CFAP61: variants seen among roughly 807,000 people sequenced by gnomAD.
The protein encoded by CFAP61 is cilia and flagella associated protein 61, also known as cilia- and flagella-associated protein 61.
A neutral mutation model predicts 135.6 loss-of-function variants in CFAP61; 107 were observed. That is an observed-to-expected ratio of 0.79 (90% confidence interval 0.67 to 0.93). The LOEUF (loss-of-function observed/expected upper bound fraction) is 0.93. CFAP61 is among the 40% of genes least tolerant of loss of function. CFAP61 has a pLI of 0.00. For synonymous variants in CFAP61, 575 were observed against 578.5 expected (o/e 0.99, Z 0.09); for missense variants, 1,507 against 1,556.2 (o/e 0.97, Z 0.53).
intron 8 of CFAP61, among the ~76,000 whole-genome samples, chr20:20,131,188 G>A (rs1382063936): frequency 6.6e-6 from 1 of 151,732 alleles, no homozygotes; most frequent in Admixed American, 6.6e-5. Context: ...CTGGGATATT[G>A]CTGGTAATAA....
At chr20:20,070,065 T>TA (rs1011236885) in intron 2 of CFAP61, among the ~76,000 whole-genome samples, 53 of 152,354 alleles carry the variant, frequency 3.5e-4, no homozygotes, top group African/African-American at 1.3e-3. Context: ...TAAGTGCCTT[T>TA]AAGTCTTGCT....
Position 20,262,978 on chromosome 20 carries a change from A to G in CFAP61, c.2351A>G (p.Asp784Gly), listed in dbSNP as rs766047346. ...QYQVPCPTEA[D>G]ISQHLTNREV... ...CAGGTCCCATGCCCTACAGAGGCTG[A>G]TATTAGTCAACACCTGACAAACAGG... The change falls in exon 21 of 27, where the codon GAT (aspartate) becomes GGT (glycine). Residue 784 changes from aspartate to glycine, a missense_variant. Transcript: ENST00000245957. 3.1e-6 allele frequency: 5 copies of G among 1,613,522 alleles called. No individual in the cohort carries two copies. The highest frequency in any genetic ancestry group is 4.5e-5 in the East Asian group (2 of 44,872).
chr20:20,253,589 AGCACTCT>A (rs1216480899), intron 20 of CFAP61: 1 of 492,334 alleles, frequency 2.0e-6, no homozygotes, highest in Non-Finnish European at 4.0e-6. Flanking sequence ...GCAAACATTC[AGCACTCT>A]TTTTGGGCCA....
intron 1 of CFAP61, among the ~76,000 whole-genome samples, chr20:20,053,570 T>A (rs946485579): frequency 3.9e-5 from 6 of 152,212 alleles, no homozygotes; most frequent in Admixed American, 1.3e-4. Context: ...TTTTGGTGTT[T>A]GGGGAAAATA....
At chr20:20,271,402 CAGA>C (rs2053335491) in intron 21 of CFAP61, among the ~76,000 whole-genome samples, 1 of 152,240 alleles carries the variant, frequency 6.6e-6, no homozygotes, top group Non-Finnish European at 1.5e-5. Flanking sequence ...ACAGCTCACT[CAGA>C]TATTGACTGC....
At chr20:20,120,455 AT>A (rs1372560902) in intron 8 of CFAP61, among the ~76,000 whole-genome samples, 2 of 151,672 alleles carry the variant, frequency 1.3e-5, no homozygotes, top group Non-Finnish European at 2.9e-5. Context: ...CTTTTTATTG[AT>A]TTCTAGTTTT....
intron 8 of CFAP61, among the ~76,000 whole-genome samples, chr20:20,140,026 C>T (rs35179401): frequency 0.027 from 4,053 of 150,834 alleles, 89 homozygotes; most frequent in Middle Eastern, 0.14. Context: ...AAGTTTTCTG[C>T]TGATCAAAAG....
At chr20:20,085,124 C>G in intron 6 of CFAP61, 1 of 985,462 alleles carries the variant, frequency 1.0e-6, no homozygotes, top group Non-Finnish European at 1.2e-6. Context: ...AACTCCGCAT[C>G]TTCATCGCCA....
chr20:20,255,930 A>G (rs2051510944), intron 20 of CFAP61, among the ~76,000 whole-genome samples: 1 of 152,198 alleles, frequency 6.6e-6, no homozygotes, highest in Admixed American at 6.5e-5. Flanking sequence ...GAGGCCATAC[A>G]GTGCCTCCTG....
At chr20:20,249,345 G>A (rs2050710039) in intron 19 of CFAP61, among the ~76,000 whole-genome samples, 1 of 151,966 alleles carries the variant, frequency 6.6e-6, no homozygotes, top group Admixed American at 6.5e-5. Context: ...AGACCAGCCT[G>A]GGCAACGTAG....
intron 8 of CFAP61, among the ~76,000 whole-genome samples, chr20:20,132,048 A>G (rs2050572089): frequency 6.6e-6 from 1 of 152,134 alleles, no homozygotes; most frequent in Non-Finnish European, 1.5e-5. Flanking sequence ...TGTAAATGAA[A>G]GGTTATACCT....
In CFAP61 at chr20:20,329,258, G is replaced by A. The variant is rs2057887977; in HGVS notation, c.3423-12573G>A. On this transcript the variant is annotated intron_variant, in intron 25 of 26. Transcript: ENST00000245957. ...CCTTATCCAGCTCCATCTGTGCTAG[G>A]GTCAGTCTGGCCAACTGGACATTCC... Among the ~76,000 whole-genome samples, 5 of 151,958 alleles carry A rather than the reference G, an allele frequency of 3.3e-5. No homozygotes were observed. In the South Asian group the frequency reaches 1.0e-3, roughly 32 times the overall value.
chr20:20,119,571 T>C (rs938081420), intron 8 of CFAP61, among the ~76,000 whole-genome samples: 6 of 152,206 alleles, frequency 3.9e-5, no homozygotes, highest in Non-Finnish European at 5.9e-5. Flanking sequence ...ATTTTGTCTA[T>C]CTTCTATATT....
At chr20:20,083,810 G>T (rs937888504) in intron 6 of CFAP61, among the ~76,000 whole-genome samples, 15 of 152,180 alleles carry the variant, frequency 9.9e-5, no homozygotes, top group Non-Finnish European at 1.9e-4. Context: ...GCCCAGGATG[G>T]ACGTTTAGAT....
chr20:20,179,613 C>T (rs767070197), intron 13 of CFAP61, among the ~76,000 whole-genome samples: 17 of 152,064 alleles, frequency 1.1e-4, no homozygotes, highest in Non-Finnish European at 2.2e-4. Flanking sequence ...GAGGCATCAC[C>T]CTACCTGACT....
At chr20:20,165,540 C>G (rs2053760339) in intron 11 of CFAP61, among the ~76,000 whole-genome samples, 1 of 151,830 alleles carries the variant, frequency 6.6e-6, no homozygotes, top group East Asian at 1.9e-4. Flanking sequence ...CCCACATGTT[C>G]AGTGCTTGCT....
At chr20:20,128,765 A>G (rs192675759) in intron 8 of CFAP61, among the ~76,000 whole-genome samples, 7 of 151,818 alleles carry the variant, frequency 4.6e-5, no homozygotes, top group African/African-American at 1.5e-4. Flanking sequence ...TAGTGTATCT[A>G]TGATAGGTTT....
chr20:20,197,997 G>A (rs1239912062), intron 16 of CFAP61, among the ~76,000 whole-genome samples: 3 of 152,226 alleles, frequency 2.0e-5, no homozygotes, highest in Non-Finnish European at 4.4e-5. Flanking sequence ...AATTTTGCCA[G>A]TGTATTTTAT....
chr20:20,090,551 G>A (rs569029868), intron 6 of CFAP61, among the ~76,000 whole-genome samples: 14 of 152,000 alleles, frequency 9.2e-5, no homozygotes, highest in African/African-American at 2.9e-4. Context: ...TTAGCTGGGC[G>A]TGGTGGTGCA....
Sources: allele counts gnomAD v4.1 joint callset (sites outside exome capture counted in the v4.1 genomes callset), GRCh38; gene constraint gnomAD v4.1.1; transcripts MANE v1.5; gene names NCBI Gene and HGNC (gene_info 2026-07-23, HGNC 2026-07-21).